Variants in FOXN3 observed in about 807,000 individuals in gnomAD.
FOXN3 encodes the protein forkhead box protein N3.
FOXN3 carries 7 observed loss-of-function variants against 38.4 expected under a neutral mutation model. The ratio of observed to expected loss-of-function variants is 0.18; its 90% confidence interval spans 0.10 to 0.34. FOXN3 has a LOEUF of 0.34. Ranked by LOEUF, FOXN3 falls within the 10% of genes least tolerant of loss-of-function variation. FOXN3 has a pLI of 1.00. For synonymous variants in FOXN3, 230 were observed against 242.2 expected (o/e 0.95, Z 0.47); for missense variants, 456 against 613.4 (o/e 0.74, Z 2.71).
intron 3 of FOXN3, among the ~76,000 whole-genome samples, chr14:89,308,006 T>G (rs1157160778): frequency 6.6e-6 from 1 of 152,226 alleles, no homozygotes; most frequent in Non-Finnish European, 1.5e-5. Context: ...GGCTCACACC[T>G]GTAATCCCAG....
At chr14:89,359,306 TAAA>T (rs60081259) in intron 2 of FOXN3, among the ~76,000 whole-genome samples, 1 of 143,848 alleles carries the variant, frequency 7.0e-6, no homozygotes, top group Admixed American at 7.0e-5. Context: ...AAAATAAAAT[TAAA>T]AAAAAAAAAA....
chr14:89,415,883 C>CACACACACACACACACACACA (rs60129607), intron 1 of FOXN3, among the ~76,000 whole-genome samples: 54 of 148,210 alleles, frequency 3.6e-4, no homozygotes, highest in Non-Finnish European at 4.5e-4. Context: ...CACACACACA[C>CACACACACACACACACACACA]CCTCTTTTGT....
intron 4 of FOXN3, chr14:89,190,249 C>T (rs1887908240): frequency 4.8e-6 from 3 of 619,130 alleles, no homozygotes; most frequent in Non-Finnish European, 8.5e-6. Context: ...TGTAATCATG[C>T]ACTTATGTAG....
intron 1 of FOXN3, among the ~76,000 whole-genome samples, chr14:89,465,674 G>A (rs1892964709): frequency 6.6e-6 from 1 of 152,210 alleles, no homozygotes; most frequent in South Asian, 2.1e-4. Flanking sequence ...AGAATGTGAG[G>A]TGTGATCTAA....
In FOXN3 at chr14:89,510,826, C is replaced by T. The variant is rs982651171; in HGVS notation, c.-14-98336G>A. Among the ~76,000 whole-genome samples the T allele has an allele frequency of 8.5e-5, 13 of 152,060 alleles. 1 individual carries two copies. Among genetic ancestry groups the T allele is most frequent in the Admixed American group, 6.6e-4 (10 of 15,260 alleles). ...GCGTGGTGGTGTGCGCCTGTAAATCCCAGCTACTTTAGTGGCTGAGGCATG... is the reference window on the plus strand; with the variant it reads ...GCGTGGTGGTGTGCGCCTGTAAATCTCAGCTACTTTAGTGGCTGAGGCATG... On this transcript the variant is annotated intron_variant, in intron 1 of 6. Transcript: ENST00000345097.
intron 1 of FOXN3, among the ~76,000 whole-genome samples, chr14:89,413,855 G>A (rs1312252884): frequency 1.4e-5 from 2 of 138,452 alleles, no homozygotes; most frequent in Non-Finnish European, 3.1e-5. Context: ...GAGAGGAGGG[G>A]AAGGGAGGGC....
chr14:89,351,116 A>G, intron 2 of FOXN3: 1 of 192,916 alleles, frequency 5.2e-6, no homozygotes, highest in Admixed American at 6.0e-5. Context: ...AACATTGAAG[A>G]ACACGTGCAT....
rs1887022482 is a variant in FOXN3 at position 89,158,250 on chromosome 14, T to G, written c.*4164A>C. On this transcript the variant is annotated 3_prime_UTR_variant, in exon 6 of 6. Coordinates refer to ENST00000557258, the MANE Select transcript of FOXN3 (RefSeq NM_005197.4). ...AACTCTGAGCTGGGCACAGAAGGCC[T>G]CCACCTGGTTCTCACTCTACAGAGC... 6.6e-6 allele frequency: 1 copy of G among 152,260 alleles called. No homozygotes were observed. The highest frequency in any genetic ancestry group is 2.4e-5 in the African/African-American group (1 of 41,452). 9.4% of individuals were successfully genotyped at this position (152,260 alleles called of 1,614,324 possible). A position where few individuals can be genotyped will look rare whatever the true frequency, so the allele number is the denominator to read the frequency against.
chr14:89,402,163 C>G (rs1891268363), intron 2 of FOXN3, among the ~76,000 whole-genome samples: 1 of 152,248 alleles, frequency 6.6e-6, no homozygotes. Context: ...CAGACTACAT[C>G]TTCACCTCAA....
At position 89,162,367 on chromosome 14, in the gene FOXN3, GC is replaced by G; in HGVS notation, c.*46del. The G allele has an allele frequency of 1.4e-6, 2 of 1,451,920 alleles. No individual in the cohort carries two copies. The highest frequency in any genetic ancestry group is 2.9e-5 in the South Asian group (2 of 68,764). 89.9% of individuals were successfully genotyped at this position (1,451,920 alleles called of 1,614,324 possible). On this transcript the variant is annotated 3_prime_UTR_variant, in exon 6 of 6. Coordinates refer to ENST00000557258, the MANE Select transcript of FOXN3 (RefSeq NM_005197.4). This position sits in a 1 kb window ranked among gnomAD's most constrained non-coding sequence, Gnocchi z 7.2. ...CAAATCATTAGAAATCTCCTGACATGCTGAAACCAAATGGTCGTAAGTTCAA... is the reference window on the plus strand; with the variant it reads ...CAAATCATTAGAAATCTCCTGACATGTGAAACCAAATGGTCGTAAGTTCAA...
intron 3 of FOXN3, among the ~76,000 whole-genome samples, chr14:89,307,156 C>T (rs1887402490): frequency 6.6e-6 from 1 of 152,160 alleles, no homozygotes; most frequent in Non-Finnish European, 1.5e-5. Context: ...CAGTGACTGT[C>T]CTACCAAAAT....
At chr14:89,441,518 C>T (rs542701092) in intron 1 of FOXN3, among the ~76,000 whole-genome samples, 3 of 152,284 alleles carry the variant, frequency 2.0e-5, no homozygotes, top group South Asian at 4.1e-4. Flanking sequence ...AAAATAGCCT[C>T]GCTGATCATT....
At chr14:89,424,519 A>C (rs1245997993) in intron 1 of FOXN3, among the ~76,000 whole-genome samples, 1 of 152,110 alleles carries the variant, frequency 6.6e-6, no homozygotes, top group Non-Finnish European at 1.5e-5. Flanking sequence ...TGAATATCAA[A>C]CTTTCTCTAC....
chr14:89,219,727 C>T (rs560313369), intron 4 of FOXN3, among the ~76,000 whole-genome samples: 13 of 152,298 alleles, frequency 8.5e-5, no homozygotes, highest in South Asian at 4.1e-4. Context: ...AGTTGATACA[C>T]GCAAAGCCCT....
At chr14:89,502,248 G>T (rs954022749) in intron 1 of FOXN3, among the ~76,000 whole-genome samples, 2 of 152,214 alleles carry the variant, frequency 1.3e-5, no homozygotes, top group Admixed American at 1.3e-4. Flanking sequence ...AACATGCATG[G>T]AAATGACAGG....
rs578020906 is a variant in FOXN3, at chr14:89,533,717, G to A, written c.-15+85311C>T. Among the ~76,000 whole-genome samples, 6 of 142,520 alleles carry A rather than the reference G, an allele frequency of 4.2e-5. No homozygotes were observed. In the South Asian group the frequency reaches 1.4e-3, roughly 33 times the overall value. 93.5% of individuals were successfully genotyped at this position (142,520 alleles called of 152,430 possible). A position where few individuals can be genotyped will look rare whatever the true frequency, so the allele number is the denominator to read the frequency against. On this transcript the variant is annotated intron_variant, in intron 1 of 6. Transcript: ENST00000345097. ...AGTTAGTGAGTTATTTAAGGTGAAA[G>A]CTTATTATCAGCAAAGTACTGACTA...
chr14:89,292,597 T>C (rs555835370), intron 3 of FOXN3, among the ~76,000 whole-genome samples: 1 of 152,174 alleles, frequency 6.6e-6, no homozygotes, highest in Non-Finnish European at 1.5e-5. Context: ...CACCCCCCTT[T>C]TCTGCCTTCT....
At chr14:89,478,931 C>CAAAA (rs59945805) in intron 1 of FOXN3, among the ~76,000 whole-genome samples, 2 of 54,198 alleles carry the variant, frequency 3.7e-5, no homozygotes, top group Non-Finnish European at 7.0e-5. Flanking sequence ...GACTCCATCT[C>CAAAA]AAAAAAAAAA....
chr14:89,323,109 A>C (rs905708696), intron 3 of FOXN3, among the ~76,000 whole-genome samples: 3 of 151,776 alleles, frequency 2.0e-5, no homozygotes, highest in African/African-American at 7.3e-5. Context: ...TAACACCATG[A>C]CACTCCATCT....
Sources: allele counts gnomAD v4.1 joint callset (sites outside exome capture counted in the v4.1 genomes callset), GRCh38; gene constraint gnomAD v4.1.1; non-coding constraint Gnocchi (gnomAD v3.1); transcripts MANE v1.5; gene names NCBI Gene and HGNC (gene_info 2026-07-23, HGNC 2026-07-21).